CLNK: variants seen among roughly 807,000 people sequenced by gnomAD.
CLNK encodes cytokine-dependent hematopoietic cell linker.
Under a neutral mutation model 68.6 loss-of-function variants are expected in CLNK, and 74 were observed. The ratio of observed to expected loss-of-function variants is 1.08; its 90% CI spans 0.89 to 1.31. The LOEUF is 1.31. CLNK is among the 50% of genes most tolerant of loss of function. The pLI is 0.00. For synonymous variants in CLNK, 198 were observed against 172.2 expected, an observed-to-expected ratio of 1.15 and a Z score of -1.17; for missense variants, 553 against 515.3, an observed-to-expected ratio of 1.07 and a Z score of -0.71.
intron 2 of CLNK, among the ~76,000 whole-genome samples, chr4:10,620,118 A>G (rs528963907): frequency 8.5e-5 from 13 of 152,288 alleles, no homozygotes; most frequent in African/African-American, 2.9e-4. Context: ...AGAACTGAGC[A>G]TGCGTCTCCT....
chr4:10,606,282 T>C (rs1446381078), intron 2 of CLNK, among the ~76,000 whole-genome samples: 4 of 152,184 alleles, frequency 2.6e-5, no homozygotes, highest in Non-Finnish European at 5.9e-5. Flanking sequence ...TCAGGGTCAA[T>C]GGCATCACTA....
At chr4:10,723,371 G>C in the CLNK span, among the ~76,000 whole-genome samples, 2 of 152,128 alleles carry the variant, frequency 1.3e-5, no homozygotes, top group Admixed American at 6.5e-5. Context: ...GAAGTTTAGG[G>C]ATCAAATGGA....
chr4:10,592,127 T>C (rs1394166495), intron 3 of CLNK, among the ~76,000 whole-genome samples: 5 of 152,252 alleles, frequency 3.3e-5, no homozygotes, highest in Admixed American at 3.3e-4. Context: ...TTAGTAAATC[T>C]GGACGATGAC....
intron 1 of CLNK, among the ~76,000 whole-genome samples, chr4:10,675,445 T>C (rs1339277162): frequency 6.6e-6 from 1 of 152,190 alleles, no homozygotes; most frequent in Non-Finnish European, 1.5e-5. Flanking sequence ...CAATTAGAAA[T>C]ATGTAATGCA....
At chr4:10,567,594 G>A (rs1457575680) in intron 5 of CLNK, among the ~76,000 whole-genome samples, 1 of 152,098 alleles carries the variant, frequency 6.6e-6, no homozygotes, top group Non-Finnish European at 1.5e-5. Context: ...TAATTAAAAT[G>A]AAAATCTTGT....
chr4:10,730,747 T>A, the CLNK span, among the ~76,000 whole-genome samples: 4 of 152,234 alleles, frequency 2.6e-5, no homozygotes, highest in Non-Finnish European at 5.9e-5. Flanking sequence ...CTTACTTCAT[T>A]GTGGTCACCT....
chr4:10,599,732 C>T (rs535210159), intron 2 of CLNK, among the ~76,000 whole-genome samples: 6 of 152,204 alleles, frequency 3.9e-5, no homozygotes, highest in African/African-American at 1.4e-4. Flanking sequence ...TGACATCATC[C>T]GAATCTGTTA....
chr4:10,647,112 C>T (rs916863695), intron 2 of CLNK, among the ~76,000 whole-genome samples: 8 of 152,140 alleles, frequency 5.3e-5, no homozygotes, highest in East Asian at 1.9e-4. Context: ...CTGAGTCTTA[C>T]TTCATTAACC....
At chr4:10,720,806 A>G in the CLNK span, among the ~76,000 whole-genome samples, 5 of 151,680 alleles carry the variant, frequency 3.3e-5, no homozygotes, top group African/African-American at 1.2e-4. Flanking sequence ...TCTTAAAAAA[A>G]TAACAACTAA....
intron 2 of CLNK, among the ~76,000 whole-genome samples, chr4:10,664,298 T>A (rs1359810768): frequency 6.6e-6 from 1 of 152,234 alleles, no homozygotes; most frequent in African/African-American, 2.4e-5. Context: ...CTGAAATTGT[T>A]TTTGTTTAAA....
intron 2 of CLNK, among the ~76,000 whole-genome samples, chr4:10,610,447 G>A (rs994055796): frequency 6.6e-6 from 1 of 151,346 alleles, no homozygotes; most frequent in East Asian, 1.9e-4. Flanking sequence ...AATCTTTGAT[G>A]CCCAGGTTTC....
intron 12 of CLNK, among the ~76,000 whole-genome samples, chr4:10,529,796 G>T (rs1718465446): frequency 6.6e-6 from 1 of 152,126 alleles, no homozygotes; most frequent in South Asian, 2.1e-4. Flanking sequence ...TCTATCTGGG[G>T]GAGCAGTTGT....
In CLNK at chr4:10,490,623, A is replaced by G; in HGVS notation, c.1141-10T>C. The G allele has an allele frequency of 2.6e-6, 4 of 1,555,316 alleles. No homozygotes were observed. In the East Asian group the frequency reaches 9.6e-5, roughly 37 times the overall value. On this transcript the variant is annotated splice_polypyrimidine_tract_variant and intron_variant, in intron 18 of 18. Transcript: ENST00000226951. ...CTACTGAATCAAACTTCTGAAACAC[A>G]GAAAAGAAAGTTAATGACTTTTAAA...
At chr4:10,567,773 G>T (rs1419266028) in intron 5 of CLNK, among the ~76,000 whole-genome samples, 1 of 152,156 alleles carries the variant, frequency 6.6e-6, no homozygotes, top group African/African-American at 2.4e-5. Context: ...GATATGAATG[G>T]ATGTTTCTTC....
At chr4:10,616,336 G>A (rs955092808) in intron 2 of CLNK, among the ~76,000 whole-genome samples, 2 of 152,176 alleles carry the variant, frequency 1.3e-5, no homozygotes, top group Non-Finnish European at 1.5e-5. Flanking sequence ...GACTTAAGAA[G>A]ATAATGGAGG....
intron 1 of CLNK, among the ~76,000 whole-genome samples, chr4:10,672,483 G>A (rs1302995663): frequency 6.6e-6 from 1 of 152,172 alleles, no homozygotes; most frequent in Non-Finnish European, 1.5e-5. Flanking sequence ...GGGGGAAATA[G>A]TGGTTAATAT....
chr4:10,669,220 C>T (rs1359973206), intron 1 of CLNK, among the ~76,000 whole-genome samples: 1 of 152,226 alleles, frequency 6.6e-6, no homozygotes, highest in Non-Finnish European at 1.5e-5. Flanking sequence ...GACACAGTCC[C>T]TGCCCTTAAG....
At chr4:10,659,031 C>T (rs368673474) in intron 2 of CLNK, among the ~76,000 whole-genome samples, 10 of 152,010 alleles carry the variant, frequency 6.6e-5, no homozygotes, top group Middle Eastern at 3.2e-3. Context: ...GGTGAAACCC[C>T]GTGTCTACAG....
At chr4:10,592,836 C>T (rs1721227746) in intron 3 of CLNK, among the ~76,000 whole-genome samples, 1 of 152,220 alleles carries the variant, frequency 6.6e-6, no homozygotes, top group South Asian at 2.1e-4. Context: ...AGAGATTTTC[C>T]TGCCTCAGCC....
Sources: allele counts gnomAD v4.1 joint callset (sites outside exome capture counted in the v4.1 genomes callset), GRCh38; gene constraint gnomAD v4.1.1; transcripts MANE v1.5; gene names NCBI Gene and HGNC (gene_info 2026-07-23, HGNC 2026-07-21).